The following CFAP53 variants were observed in gnomAD, a reference collection of about 807,000 sequenced individuals.
CFAP53 encodes cilia- and flagella-associated protein 53.
In CFAP53, 62 loss-of-function variants were observed where a neutral mutation model predicts 59.7. The observed-to-expected ratio is 1.04, with a 90% confidence interval of 0.85 to 1.28. CFAP53 has a LOEUF of 1.28. CFAP53 is among the 50% of genes most tolerant of loss of function. The probability of loss-of-function intolerance (pLI) is 0.00; values close to 1 mark genes in which losing one functional copy is unlikely to be tolerated. For synonymous variants in CFAP53, 218 were observed against 205.7 expected (o/e 1.06, Z -0.51); for missense variants, 629 against 615.6 (o/e 1.02, Z -0.23).
intron 3 of CFAP53, 100 bp downstream of exon 3, chr18:50,260,964 G>T: frequency 8.4e-7 from 1 of 1,189,566 alleles, no homozygotes; most frequent in Non-Finnish European, 1.2e-6. Context: ...CAACTACTCT[G>T]TATATCCTCT....
chr18:50,261,074 G>A lies in CFAP53; in HGVS notation c.463C>T (p.Gln155Ter). Residue 155 changes from glutamine to a stop codon, truncating the protein, a stop_gained, in exon 3 of 8, where the codon CAG becomes TAG. Coordinates refer to ENST00000398545, the MANE Select transcript of CFAP53 (RefSeq NM_145020.5). LOFTEE classifies it high-confidence loss of function. ...RQDFVAEKLD[Q>*]QFRERCEELR... Reference sequence around the variant, plus strand: ...TTCTGATTTCATTACCTGAATTGCTGGTCTAGCTTTTCAGCCACAAAATCC... The same window carrying A: ...TTCTGATTTCATTACCTGAATTGCTAGTCTAGCTTTTCAGCCACAAAATCC... The A allele has an allele frequency of 1.3e-6, 2 of 1,594,048 alleles. No homozygotes were observed. The highest frequency in any genetic ancestry group is 1.7e-6 in the Non-Finnish European group (2 of 1,174,950).
chr18:50,231,069 A>G (rs2033579143), intron 7 of CFAP53, among the ~76,000 whole-genome samples: 1 of 152,078 alleles, frequency 6.6e-6, no homozygotes, highest in South Asian at 2.1e-4. Context: ...AACATACAAA[A>G]CTCACAAACT....
intron 5 of CFAP53, among the ~76,000 whole-genome samples, chr18:50,246,569 T>A (rs1026750581): frequency 6.6e-6 from 1 of 152,188 alleles, no homozygotes; most frequent in African/African-American, 2.4e-5. Context: ...TAGGTAACCA[T>A]TTTTTAGATA....
intron 5 of CFAP53, among the ~76,000 whole-genome samples, chr18:50,248,243 T>C (rs1419982094): frequency 6.6e-6 from 1 of 151,740 alleles, no homozygotes; most frequent in Non-Finnish European, 1.5e-5. Flanking sequence ...CATTAGCCAT[T>C]AGGGAAATGT....
intron 5 of CFAP53, among the ~76,000 whole-genome samples, chr18:50,244,466 C>T (rs1346378278): frequency 6.6e-6 from 1 of 152,176 alleles, no homozygotes; most frequent in Non-Finnish European, 1.5e-5. Context: ...ATTACACCTT[C>T]TTTTTTAAAT....
intron 5 of CFAP53, among the ~76,000 whole-genome samples, chr18:50,246,317 C>T (rs917730825): frequency 1.1e-4 from 17 of 152,278 alleles, no homozygotes; most frequent in Middle Eastern, 3.4e-3. Context: ...AGAAATAAAC[C>T]TTCACTTTAC....
At chr18:50,241,635 G>A (rs1331357139) in intron 6 of CFAP53, among the ~76,000 whole-genome samples, 1 of 152,050 alleles carries the variant, frequency 6.6e-6, no homozygotes, top group Non-Finnish European at 1.5e-5. Flanking sequence ...TCACATATTG[G>A]CAGGACCATG....
rs150817234 is a variant in CFAP53, at chr18:50,238,168, C to T, written c.1316+435G>A. ...ATGAAATTTTGTAAACTGCTTTGAG[C>T]GTCTAGAAGGACAAGTGTAATACTA... is the stretch of plus-strand genomic sequence containing the variant. On this transcript the variant is annotated intron_variant, in intron 7 of 7. Transcript: ENST00000398545. 9.9e-5 allele frequency among the ~76,000 whole-genome samples: 15 copies of T among 152,280 alleles called. No homozygotes were observed. In the East Asian group the frequency reaches 2.9e-3, roughly 29 times the overall value.
intron 5 of CFAP53, among the ~76,000 whole-genome samples, chr18:50,245,640 A>G (rs1246397764): frequency 6.6e-6 from 1 of 152,210 alleles, no homozygotes; most frequent in Non-Finnish European, 1.5e-5. Context: ...AAGACAGCTT[A>G]AGTTCATGAA....
intron 7 of CFAP53, among the ~76,000 whole-genome samples, chr18:50,234,041 C>G (rs1043147740): frequency 2.0e-5 from 3 of 152,200 alleles, no homozygotes; most frequent in African/African-American, 7.2e-5. Flanking sequence ...TAAGGCTCAC[C>G]TCTGCATCAG....
chr18:50,237,242 T>C (rs923042805), intron 7 of CFAP53, among the ~76,000 whole-genome samples: 6 of 133,086 alleles, frequency 4.5e-5, no homozygotes, highest in South Asian at 2.6e-4. Flanking sequence ...GAGTCGGAGA[T>C]TGCAGTAAGC....
chr18:50,266,449 C>G lies in CFAP53; in HGVS notation c.-45G>C. ...CGGGGGCGGCGTCCGCCGCGTTTCC[C>G]CCAACCGTGGCGACCTGCGGGACCC... On this transcript the variant is annotated 5_prime_UTR_variant, in exon 1 of 8. Transcript: ENST00000398545. The G allele has an allele frequency of 6.2e-7, 1 of 1,600,326 alleles. No homozygotes were observed. The highest frequency in any genetic ancestry group is 8.6e-7 in the Non-Finnish European group (1 of 1,167,428).
At chr18:50,252,801 C>T (rs567737648) in intron 3 of CFAP53, among the ~76,000 whole-genome samples, 10 of 152,292 alleles carry the variant, frequency 6.6e-5, no homozygotes, top group African/African-American at 9.6e-5. Flanking sequence ...GCAGGAGGAT[C>T]GCTGGAGACT....
intron 5 of CFAP53, among the ~76,000 whole-genome samples, chr18:50,245,179 G>A (rs1455782520): frequency 2.7e-5 from 4 of 150,656 alleles, no homozygotes; most frequent in South Asian, 2.1e-4. Context: ...TCAGGAGATC[G>A]AGACCATCCT....
Position 50,227,491 on chromosome 18 carries a change from C to A in CFAP53, c.1435G>T (p.Ala479Ser). ...KRREFEAGVA[A>S]NKMCLDKVQE... ...ACCTTGTCCAAACACATCTTGTTTG[C>A]TGCTACACCTGCTTCAAACTCTCGG... is the stretch of plus-strand genomic sequence containing the variant. The change falls in exon 8 of 8, where the codon GCA becomes TCA. Residue 479 changes from alanine (A) to serine (S), a missense_variant. Ala to Ser is a moderately conservative substitution (Grantham distance 99, BLOSUM62 1). Coordinates refer to ENST00000398545, the MANE Select transcript of CFAP53 (RefSeq NM_145020.5). The A allele has an allele frequency of 1.2e-6, 2 of 1,614,130 alleles. No homozygotes were observed. Among genetic ancestry groups the A allele is most frequent in the Non-Finnish European group, 1.7e-6 (2 of 1,179,998 alleles).
At chr18:50,262,576 G>T (rs2033904342) in intron 1 of CFAP53, among the ~76,000 whole-genome samples, 1 of 152,060 alleles carries the variant, frequency 6.6e-6, no homozygotes, top group African/African-American at 2.4e-5. Flanking sequence ...GATAAAACAA[G>T]AATTAGAGGT....
intron 5 of CFAP53, among the ~76,000 whole-genome samples, chr18:50,247,034 G>A (rs1018192341): frequency 6.6e-6 from 1 of 150,438 alleles, no homozygotes; most frequent in East Asian, 1.9e-4. Flanking sequence ...GGCGACAAGA[G>A]TGAGATTTAA....
Position 50,266,453 on chromosome 18 carries a change from AC to A in CFAP53, c.-50del, listed in dbSNP as rs1278239465. 1.9e-6 allele frequency: 3 copies of A among 1,578,626 alleles called. No homozygotes were observed. The highest frequency in any genetic ancestry group is 1.1e-5 in the South Asian group (1 of 90,394). On this transcript the variant is annotated 5_prime_UTR_variant, in exon 1 of 8. Coordinates refer to ENST00000398545, the MANE Select transcript of CFAP53 (RefSeq NM_145020.5). ...GGCGGCGTCCGCCGCGTTTCCCCCA[AC>A]CGTGGCGACCTGCGGGACCCGCTTC...
rs192034775 is a variant in CFAP53, at chr18:50,228,419, G to A, written c.1317-810C>T. Among the ~76,000 whole-genome samples, 539 of 152,212 alleles carry A rather than the reference G, an allele frequency of 3.5e-3. 3 individuals carry two copies. The highest frequency in any genetic ancestry group is 0.031 in the Middle Eastern group (9 of 294). On this transcript the variant is annotated intron_variant, in intron 7 of 7. Coordinates refer to ENST00000398545, the MANE Select transcript of CFAP53 (RefSeq NM_145020.5). ...TTATCATTCTGTTCAGTATTAACTA[G>A]ATAATTTCTTGCATAAATAAGCCAC...
Sources: allele counts gnomAD v4.1 joint callset (sites outside exome capture counted in the v4.1 genomes callset), GRCh38; gene constraint gnomAD v4.1.1; transcripts MANE v1.5; gene names NCBI Gene and HGNC (gene_info 2026-07-23, HGNC 2026-07-21).